Variants in KIAA1671 observed in about 807,000 individuals in gnomAD.
KIAA1671 encodes the protein KIAA1671, also known as uncharacterized protein KIAA1671.
A neutral mutation model predicts 131.2 loss-of-function variants in KIAA1671; 52 were observed. The observed-to-expected ratio is 0.40, with a 90% CI of 0.32 to 0.50. The LOEUF (loss-of-function observed/expected upper bound fraction) is 0.50, where lower values mean the gene tolerates loss of function less well. Among genes scored for constraint, KIAA1671 ranks in the 20% least tolerant of loss-of-function variants. The pLI is 0.73. For missense variants in KIAA1671, 2,360 were observed against 2,364.2 expected, an observed-to-expected ratio of 1.00 and a Z score of 0.04; for synonymous variants, 1,003 against 961.6, an observed-to-expected ratio of 1.04 and a Z score of -0.80.
chr22:25,142,637 C>T (rs779202804), intron 6 of KIAA1671, among the ~76,000 whole-genome samples: 3 of 152,146 alleles, frequency 2.0e-5, no homozygotes, highest in Non-Finnish European at 4.4e-5. Flanking sequence ...TTTGGGAGGC[C>T]GAGGCGGGTG....
At chr22:25,076,232 A>T (rs1929100667) in intron 6 of KIAA1671, among the ~76,000 whole-genome samples, 1 of 151,982 alleles carries the variant, frequency 6.6e-6, no homozygotes, top group African/African-American at 2.4e-5. Flanking sequence ...CTTTGGATAT[A>T]TACCCAGAAG....
chr22:25,093,737 A>ACACACACACACTCTCT (rs1568950992), intron 6 of KIAA1671, among the ~76,000 whole-genome samples: 4 of 30,140 alleles, frequency 1.3e-4, no homozygotes, highest in Non-Finnish European at 2.6e-4. Context: ...ACACACACAC[A>ACACACACACACTCTCT]CTCTCTCTCT....
rs563035268 is a variant in KIAA1671 at position 25,071,101 on chromosome 22, G to T, written c.4530+21737G>T. 2.2e-4 allele frequency among the ~76,000 whole-genome samples: 34 copies of T among 152,342 alleles called. No homozygotes were observed. The South Asian group carries it at 6.8e-3, about 31-fold the overall frequency. ...TCTCTGGGTTTCTGTTTCCTCCTCT[G>T]TGAAATAAGGAGTGGGTGTAGGTGA... On this transcript the variant is annotated intron_variant, in intron 6 of 12. Transcript: ENST00000358431.
chr22:25,190,846 CAGG>C, intron 12 of KIAA1671, 62 bp downstream of exon 12: 1 of 1,167,732 alleles, frequency 8.6e-7, no homozygotes, highest in Non-Finnish European at 1.3e-6. Flanking sequence ...ATGGGGAACT[CAGG>C]GGGGCCACGC....
chr22:25,102,144 A>G (rs1930719711), intron 6 of KIAA1671, among the ~76,000 whole-genome samples: 1 of 152,224 alleles, frequency 6.6e-6, no homozygotes, highest in Non-Finnish European at 1.5e-5. Context: ...CAGTTTGTTC[A>G]GGGTAGAAAG....
intron 6 of KIAA1671, chr22:25,070,341 A>T: frequency 2.2e-6 from 1 of 453,600 alleles, no homozygotes; most frequent in East Asian, 3.5e-5. Flanking sequence ...TACTGTGCTC[A>T]CCACATAACC....
At chr22:24,970,429 G>C (rs770928985) in intron 1 of KIAA1671, among the ~76,000 whole-genome samples, 1 of 152,328 alleles carries the variant, frequency 6.6e-6, no homozygotes, top group East Asian at 1.9e-4. Context: ...GGGAAGTGAA[G>C]CTGTGCTGTA....
At chr22:25,081,808 G>A (rs1297807374) in intron 6 of KIAA1671, among the ~76,000 whole-genome samples, 2 of 152,252 alleles carry the variant, frequency 1.3e-5, no homozygotes, top group East Asian at 3.9e-4. Flanking sequence ...GAATAGTGTG[G>A]AGTGTAAAAA....
intron 1 of KIAA1671, among the ~76,000 whole-genome samples, chr22:24,972,472 C>G (rs376129574): frequency 3.0e-4 from 46 of 152,124 alleles, no homozygotes; most frequent in South Asian, 6.2e-4. Context: ...ATGCATGCAT[C>G]CATCCATCCA....
chr22:25,042,628 G>A (rs896075536), intron 5 of KIAA1671, among the ~76,000 whole-genome samples: 2 of 143,904 alleles, frequency 1.4e-5, no homozygotes, highest in Admixed American at 6.9e-5. Context: ...CATCATACCC[G>A]GCTAATTTTT....
At chr22:25,103,771 C>A (rs1210990021) in intron 6 of KIAA1671, among the ~76,000 whole-genome samples, 1 of 152,096 alleles carries the variant, frequency 6.6e-6, no homozygotes, top group East Asian at 1.9e-4. Flanking sequence ...GGATTACGGG[C>A]GTGAGCCACC....
At position 25,038,925 on chromosome 22, in the gene KIAA1671, G is replaced by C. The variant is rs868093877; in HGVS notation, c.1795G>C (p.Val599Leu). 2 of 1,551,724 alleles carry C rather than the reference G, an allele frequency of 1.3e-6. No homozygotes were observed. Among genetic ancestry groups the C allele is most frequent in the African/African-American group, 2.7e-5 (2 of 73,174 alleles). ...SSVEAPCPSD[V>L]TPEDDRSFQT... Reference sequence around the variant, plus strand: ...AGTGGAGGCCCCGTGCCCTTCTGACGTCACTCCAGAGGATGACCGGAGCTT... The same window carrying C: ...AGTGGAGGCCCCGTGCCCTTCTGACCTCACTCCAGAGGATGACCGGAGCTT... Residue 599 changes from valine (V) to leucine (L), a missense_variant, in exon 5 of 13, where the codon GTC (valine) becomes CTC (leucine). By Grantham distance (32) the Val-to-Leu change is conservative. This residue lies in a region of KIAA1671 where 1,185 missense variants were observed against 1,126.2 expected (regional missense o/e 1.05). Coordinates refer to ENST00000358431, the MANE Select transcript of KIAA1671 (RefSeq NM_001145206.2).
intron 6 of KIAA1671, chr22:25,059,992 G>A (rs1301452762): frequency 2.0e-5 from 3 of 152,180 alleles, no homozygotes; most frequent in Non-Finnish European, 2.9e-5. Context: ...CTTGGAACCC[G>A]GATTTGCAGG....
rs969943239 is a variant in KIAA1671 at position 24,958,260 on chromosome 22, C to A, written c.-208+5488C>A. ...TAAGGCCAAGCACAGTGGCTCCTGT[C>A]TGTAATCCCAGCGCTTTGGGAGGCT... On this transcript the variant is annotated intron_variant, in intron 1 of 12. Coordinates refer to ENST00000358431, the MANE Select transcript of KIAA1671 (RefSeq NM_001145206.2). Among the ~76,000 whole-genome samples the A allele has an allele frequency of 9.9e-5, 15 of 152,236 alleles. No individual in the cohort carries two copies. The South Asian group carries it at 2.9e-3, about 29-fold the overall frequency.
Position 25,029,228 on chromosome 22 carries a change from GC to G in KIAA1671, c.1231del (p.Leu411Ter). The G allele has an allele frequency of 6.8e-7, 1 of 1,474,126 alleles. No individual in the cohort carries two copies. The highest frequency in any genetic ancestry group is 9.0e-7 in the Non-Finnish European group (1 of 1,108,160). 91.3% of individuals were successfully genotyped at this position (1,474,126 alleles called of 1,614,324 possible). On this transcript the variant is annotated frameshift_variant, in exon 3 of 13. Coordinates refer to ENST00000358431, the MANE Select transcript of KIAA1671 (RefSeq NM_001145206.2). LOFTEE classifies it high-confidence loss of function. ...TCCCCCTCACCCAGGCTGGGAAGGG[GC>G]CTAGAACTTGCTGAGGTTAAGAGCA... ...AESPSPRLGR[G>X]LELAEVKSRV... is the part of the protein sequence containing the mutation.
chr22:25,100,873 A>G (rs1201099611), intron 6 of KIAA1671, among the ~76,000 whole-genome samples: 1 of 152,220 alleles, frequency 6.6e-6, no homozygotes, highest in African/African-American at 2.4e-5. Flanking sequence ...CAAGGAAAGA[A>G]GGCCAGAAAG....
intron 6 of KIAA1671, chr22:25,070,289 G>A: frequency 2.4e-6 from 1 of 416,886 alleles, no homozygotes; most frequent in Non-Finnish European, 4.4e-6. Flanking sequence ...AGCGTGACAG[G>A]AGTGAGAAGA....
intron 6 of KIAA1671, among the ~76,000 whole-genome samples, chr22:25,067,150 TTGGGAGA>T (rs1379258608): frequency 1.3e-5 from 2 of 152,096 alleles, no homozygotes; most frequent in South Asian, 4.1e-4. Context: ...CCACCTCTGG[TTGGGAGA>T]TGGGGACTTG....
At chr22:25,110,416 C>G (rs1263081158) in intron 6 of KIAA1671, among the ~76,000 whole-genome samples, 1 of 152,158 alleles carries the variant, frequency 6.6e-6, no homozygotes, top group Non-Finnish European at 1.5e-5. Flanking sequence ...GGCCAGGTAC[C>G]ATGTCAGACC....
Sources: gnomAD v4.1 joint callset for allele counts (sites outside exome capture counted in the v4.1 genomes callset) on GRCh38, gnomAD v4.1.1 for gene constraint, gnomAD v4.1.1 regional missense constraint, MANE v1.5 for transcripts, NCBI Gene and HGNC (gene_info 2026-07-23, HGNC 2026-07-21) for gene names.